The following MGAT5 variants were observed in gnomAD, a reference collection of about 807,000 sequenced individuals.
The protein encoded by MGAT5 is alpha-1,6-mannosylglycoprotein 6-beta-N-acetylglucosaminyltransferase A.
MGAT5 carries 30 observed loss-of-function variants against 94.3 expected under a neutral mutation model. The ratio of observed to expected loss-of-function variants is 0.32; its 90% CI spans 0.24 to 0.43. The LOEUF (loss-of-function observed/expected upper bound fraction) is 0.43. Among genes scored for constraint, MGAT5 ranks in the 20% least tolerant of loss-of-function variants. The pLI is 1.00. For missense variants in MGAT5, 691 were observed against 905.5 expected (o/e 0.76, Z 3.04); for synonymous variants, 310 against 322.9 (o/e 0.96, Z 0.43).
chr2:134,162,884 A>G (rs1359585696), intron 1 of MGAT5, among the ~76,000 whole-genome samples: 1 of 152,212 alleles, frequency 6.6e-6, no homozygotes, highest in Non-Finnish European at 1.5e-5. Flanking sequence ...GTGCCTTGCA[A>G]ACTGTGTATT....
In MGAT5 at chr2:134,288,515, TA is replaced by T. The variant is rs879623551; in HGVS notation, c.406+17981del. ...CTAGAATATTTACCATCTAGCTCTT[TA>T]AAAAAAAAAAAAAAATTCAACCCCT... On this transcript the variant is annotated intron_variant, in intron 2 of 15. Coordinates refer to ENST00000281923, the MANE Select transcript of MGAT5 (RefSeq NM_002410.5). Among the ~76,000 whole-genome samples, 596 of 143,078 alleles carry T rather than the reference TA, an allele frequency of 4.2e-3. 1 individual carries two copies. The highest frequency in any genetic ancestry group is 7.3e-3 in the South Asian group (33 of 4,494). The allele number at this position is 143,078 out of a possible 152,430, so 93.9% of individuals were successfully genotyped here.
intron 10 of MGAT5, among the ~76,000 whole-genome samples, chr2:134,376,622 T>C (rs572450249): frequency 6.6e-6 from 1 of 152,288 alleles, no homozygotes; most frequent in Admixed American, 6.5e-5. Context: ...GCCTCCTGTC[T>C]GGAAGAGCCT....
At chr2:134,219,081 G>A (rs968784581) in intron 1 of MGAT5, among the ~76,000 whole-genome samples, 1 of 152,170 alleles carries the variant, frequency 6.6e-6, no homozygotes, top group Non-Finnish European at 1.5e-5. Context: ...TAGAGAATTT[G>A]AGGAAGCCCA....
In MGAT5 at chr2:134,422,923, G is replaced by C. The variant is rs191754598; in HGVS notation, c.1794+4G>C. ...GAAAGCAATTTTAAATCAGAAGGTTGGTTCATTTTATTCCACTTTCCCTCC... is the reference window on the plus strand; with the variant it reads ...GAAAGCAATTTTAAATCAGAAGGTTCGTTCATTTTATTCCACTTTCCCTCC... On this transcript the variant is annotated splice_donor_region_variant and intron_variant, in intron 13 of 15. Coordinates refer to ENST00000281923, the MANE Select transcript of MGAT5 (RefSeq NM_002410.5). 615 of 1,604,568 alleles carry C rather than the reference G, an allele frequency of 3.8e-4. 5 individuals carry two copies. The African/African-American group carries it at 7.3e-3, about 19-fold the overall frequency.
At chr2:134,373,392 G>A (rs529292388) in intron 10 of MGAT5, among the ~76,000 whole-genome samples, 8 of 152,296 alleles carry the variant, frequency 5.3e-5, no homozygotes, top group South Asian at 2.1e-4. Flanking sequence ...GGTTGACAGC[G>A]CGTTCTTGAA....
rs547546038 is a variant in MGAT5 at position 134,362,938 on chromosome 2, C to T, written c.1380+530C>T. ...TTGTTCAGGGAGGTCTTGGCTGAAA[C>T]AGCACTCTTGGCCACAGACCAAACC... is the stretch of plus-strand genomic sequence containing the variant. On this transcript the variant is annotated intron_variant, in intron 10 of 15. Transcript: ENST00000281923. Among the ~76,000 whole-genome samples the T allele has an allele frequency of 2.0e-5, 3 of 152,360 alleles. No homozygotes were observed. The South Asian group carries it at 6.2e-4, about 32-fold the overall frequency.
intron 1 of MGAT5, among the ~76,000 whole-genome samples, chr2:134,261,348 C>T (rs1683319494): frequency 6.6e-6 from 1 of 152,130 alleles, no homozygotes. Context: ...CTTTTGCTGT[C>T]AGAAGTGCTT....
intron 4 of MGAT5, among the ~76,000 whole-genome samples, chr2:134,333,440 G>C (rs914531750): frequency 1.8e-5 from 2 of 113,208 alleles, no homozygotes; most frequent in African/African-American, 6.7e-5. Flanking sequence ...GTTGTGGGGT[G>C]GGGGGAGGGG....
At chr2:134,261,595 T>C (rs1421852540) in intron 1 of MGAT5, among the ~76,000 whole-genome samples, 1 of 152,176 alleles carries the variant, frequency 6.6e-6, no homozygotes, top group African/African-American at 2.4e-5. Flanking sequence ...AAGTTAGCCT[T>C]CCCTCCTTCA....
chr2:134,121,122 C>G (rs536346812), intron 1 of MGAT5, among the ~76,000 whole-genome samples: 72 of 152,328 alleles, frequency 4.7e-4, no homozygotes, highest in African/African-American at 1.7e-3. Context: ...GGGCGCCGCT[C>G]TCGCCTGTGG....
chr2:134,315,818 G>C, intron 2 of MGAT5, among the ~76,000 whole-genome samples: 1 of 152,070 alleles, frequency 6.6e-6, no homozygotes, highest in Non-Finnish European at 1.5e-5. Context: ...TGAGAAATAG[G>C]GTATTTATTT....
At chr2:134,177,159 G>GTGTGTGTGTGTGTGTGTGTGTGTT (rs1421525044) in intron 1 of MGAT5, among the ~76,000 whole-genome samples, 1 of 152,086 alleles carries the variant, frequency 6.6e-6, no homozygotes, top group African/African-American at 2.4e-5. Context: ...GTGTGTGTGT[G>GTGTGTGTGTGTGTGTGTGTGTGTT]TGTATGTATC....
chr2:134,253,105 A>G (rs1682718049), upstream of MGAT5: 1 of 152,220 alleles, frequency 6.6e-6, no homozygotes, highest in African/African-American at 2.4e-5. Flanking sequence ...GCAATGGGAA[A>G]ACAGTAAGAG....
chr2:134,201,143 G>A (rs1679766115), intron 1 of MGAT5, among the ~76,000 whole-genome samples: 1 of 151,844 alleles, frequency 6.6e-6, no homozygotes, highest in African/African-American at 2.4e-5. Context: ...ATCTTACTTC[G>A]GGGGCTATTT....
chr2:134,326,102 AT>A, intron 4 of MGAT5, among the ~76,000 whole-genome samples: 1 of 139,298 alleles, frequency 7.2e-6, no homozygotes, highest in South Asian at 2.2e-4. Context: ...GCCCAGGTTC[AT>A]TAATTCATTA....
intron 4 of MGAT5, among the ~76,000 whole-genome samples, chr2:134,320,425 A>G (rs1012804537): frequency 2.0e-5 from 3 of 151,772 alleles, no homozygotes; most frequent in African/African-American, 7.3e-5. Context: ...AATTTTTTAC[A>G]GACTTTAAGG....
intron 10 of MGAT5, among the ~76,000 whole-genome samples, chr2:134,381,406 A>G (rs1271845260): frequency 8.6e-6 from 1 of 116,464 alleles, no homozygotes; most frequent in Non-Finnish European, 1.9e-5. Flanking sequence ...AGATAGATAG[A>G]TAGATAGATA....
chr2:134,154,701 C>A (rs927171997), intron 1 of MGAT5, among the ~76,000 whole-genome samples: 1 of 152,206 alleles, frequency 6.6e-6, no homozygotes, highest in Admixed American at 6.5e-5. Context: ...AGATCCATAC[C>A]GTTTTACCAA....
intron 1 of MGAT5, among the ~76,000 whole-genome samples, chr2:134,150,743 CA>C (rs1687130498): frequency 1.3e-5 from 2 of 152,176 alleles, no homozygotes; most frequent in South Asian, 4.1e-4. Context: ...TGCTTTTTAA[CA>C]CAAGGAAACA....
Sources: gnomAD v4.1 joint callset for allele counts (sites outside exome capture counted in the v4.1 genomes callset) on GRCh38, gnomAD v4.1.1 for gene constraint, MANE v1.5 for transcripts, NCBI Gene and HGNC (gene_info 2026-07-23, HGNC 2026-07-21) for gene names.